STAT1: variants seen among roughly 807,000 people sequenced by gnomAD.
The protein encoded by STAT1 is signal transducer and activator of transcription 1.
A neutral mutation model predicts 111.7 loss-of-function variants in STAT1; 24 were observed. The observed-to-expected ratio is 0.21, with a 90% CI of 0.16 to 0.30. STAT1 has a LOEUF of 0.30. Among genes scored for constraint, STAT1 ranks in the 10% least tolerant of loss-of-function variants. The pLI is 1.00. For missense variants in STAT1, 351 were observed against 911.9 expected (o/e 0.38, Z 7.92); for synonymous variants, 332 against 326.5 (o/e 1.02, Z -0.18).
chr2:190,980,559 A>G lies in STAT1; in HGVS notation c.1632+61T>C, dbSNP rs1692296852. 1 of 1,561,416 alleles carries G rather than the reference A, an allele frequency of 6.4e-7. No individual in the cohort carries two copies. Among genetic ancestry groups the G allele is most frequent in the Admixed American group, 1.7e-5 (1 of 59,960 alleles). Reference sequence around the variant, plus strand: ...TTAAGTAACTATCACAGCAAGAAACATGAGAACCTCAACCAAGAGCAAAAA... The same window carrying G: ...TTAAGTAACTATCACAGCAAGAAACGTGAGAACCTCAACCAAGAGCAAAAA... On this transcript the variant is annotated intron_variant, in intron 19 of 24. Transcript: ENST00000361099. This position sits in a 1 kb window ranked among gnomAD's most constrained non-coding sequence, Gnocchi z 6.1.
At position 190,989,505 on chromosome 2, in the gene STAT1, A is replaced by T. The variant is rs978351013; in HGVS notation, c.1097+110T>A. The T allele has an allele frequency of 5.2e-6, 4 of 770,238 alleles. No homozygotes were observed. The highest frequency in any genetic ancestry group is 8.6e-6 in the Non-Finnish European group (4 of 467,620). The allele number at this position is 770,238 out of a possible 1,614,324, so 47.7% of individuals were successfully genotyped here. Reference sequence around the variant, plus strand: ...GGAGGCAAACTTCCACCCAGTATAGACCCTTCCACAGCTAGAAATCTGCTT... The same window carrying T: ...GGAGGCAAACTTCCACCCAGTATAGTCCCTTCCACAGCTAGAAATCTGCTT... On this transcript the variant is annotated intron_variant, in intron 12 of 24. Transcript: ENST00000361099. The surrounding 1 kb of genome is among the most constrained non-coding windows in gnomAD (Gnocchi z 5.0).
intron 2 of STAT1, among the ~76,000 whole-genome samples, chr2:191,010,644 C>G (rs78181481): frequency 1.3e-5 from 1 of 79,484 alleles, no homozygotes; most frequent in Admixed American, 1.1e-4. Context: ...TTTCAAACTT[C>G]TGTTTTATAT....
At position 190,993,563 on chromosome 2, in the gene STAT1, G is replaced by C; in HGVS notation, c.944+1498C>G. On this transcript the variant is annotated intron_variant, in intron 10 of 24. Transcript: ENST00000361099. The surrounding 1 kb of genome is among the most constrained non-coding windows in gnomAD (Gnocchi z 4.1). Reference sequence around the variant, plus strand: ...AATAATCAATTTGGGATTCATGCTGGACATGTCACTGTAGCTGCCACCGCT... The same window carrying C: ...AATAATCAATTTGGGATTCATGCTGCACATGTCACTGTAGCTGCCACCGCT... 1.6e-6 allele frequency: 1 copy of C among 632,458 alleles called. No homozygotes were observed. The highest frequency in any genetic ancestry group is 2.2e-5 in the Admixed American group (1 of 46,342). 39.2% of individuals were successfully genotyped at this position (632,458 alleles called of 1,614,324 possible).
At chr2:191,008,240 G>GAA (rs11386507) in intron 4 of STAT1, among the ~76,000 whole-genome samples, 2,938 of 151,624 alleles carry the variant, frequency 0.019, 88 homozygotes, top group African/African-American at 0.068. Context: ...ATTCACAAAG[G>GAA]AAAAAAAACA....
intron 5 of STAT1, among the ~76,000 whole-genome samples, chr2:191,005,667 G>C (rs1000614686): frequency 6.6e-6 from 1 of 152,180 alleles, no homozygotes; most frequent in African/African-American, 2.4e-5. Flanking sequence ...ACCTAGTGGT[G>C]CATTTCTCAG....
intron 5 of STAT1, among the ~76,000 whole-genome samples, chr2:191,001,364 G>A (rs1468634021): frequency 6.6e-6 from 1 of 152,154 alleles, no homozygotes; most frequent in Non-Finnish European, 1.5e-5. Flanking sequence ...AAAAAAACTA[G>A]GCTCAATTCA....
intron 2 of STAT1, among the ~76,000 whole-genome samples, chr2:191,013,237 G>A (rs1049991975): frequency 1.3e-5 from 2 of 152,226 alleles, no homozygotes; most frequent in Non-Finnish European, 2.9e-5. Flanking sequence ...AATGGACTGT[G>A]CTGGAGGCTC....
chr2:190,985,616 C>T lies in STAT1; in HGVS notation c.1263+3G>A, dbSNP rs764196521. On this transcript the variant is annotated splice_donor_region_variant and intron_variant, in intron 15 of 24. Coordinates refer to ENST00000361099, the MANE Select transcript of STAT1 (RefSeq NM_007315.4). ...CCCATTCACAACATAAAGGGACTCT[C>T]ACCTCATTCGTTCTGGTGCCAGCAT... 17 of 1,614,222 alleles carry T rather than the reference C, an allele frequency of 1.1e-5. No individual in the cohort carries two copies. In the South Asian group the frequency reaches 1.6e-4, roughly 16 times the overall value.
rs138723664 is a variant in STAT1 at position 190,975,860 on chromosome 2, G to T, written c.2087C>A (p.Pro696His). The change falls in exon 23 of 25, where the codon CCT (proline) becomes CAT (histidine). Residue 696 changes from proline to histidine, a missense_variant. Around this residue, in one of 7 missense-constraint regions of STAT1, gnomAD observed 181 missense variants for 426.1 expected, o/e 0.42. Coordinates refer to ENST00000361099, the MANE Select transcript of STAT1 (RefSeq NM_007315.4). The surrounding 1 kb of genome is among the most constrained non-coding windows in gnomAD (Gnocchi z 5.9). ...EAPEPMELDG[P>H]KGTGYIKTEL... ...AGTCTTGATATATCCAGTTCCTTTA[G>T]GGCCATCAAGTTCCATTGGCTCTGG... is the stretch of plus-strand genomic sequence containing the variant. The T allele has an allele frequency of 5.0e-5, 81 of 1,613,930 alleles. No individual in the cohort carries two copies. Among genetic ancestry groups the T allele is most frequent in the Middle Eastern group, 4.9e-4 (3 of 6,084 alleles).
rs1694728153 is a variant in STAT1, at chr2:191,006,674, C to A, written c.372+889G>T. On this transcript the variant is annotated intron_variant, in intron 5 of 24. Transcript: ENST00000361099. The surrounding 1 kb of genome is among the most constrained non-coding windows in gnomAD (Gnocchi z 4.6). ...TAACATGGTGGCTTCACACTGCCTGCCTGTTGGCTTGTTGTCACCACCCCA... is the reference window on the plus strand; with the variant it reads ...TAACATGGTGGCTTCACACTGCCTGACTGTTGGCTTGTTGTCACCACCCCA... 6.6e-6 allele frequency among the ~76,000 whole-genome samples: 1 copy of A among 152,186 alleles called. No individual in the cohort carries two copies. The highest frequency in any genetic ancestry group is 2.1e-4 in the South Asian group (1 of 4,830).
At position 190,978,768 on chromosome 2, in the gene STAT1, G is replaced by T. The variant is rs1482704321; in HGVS notation, c.1873+88C>A. On this transcript the variant is annotated intron_variant, in intron 21 of 24. Transcript: ENST00000361099. This position sits in a 1 kb window ranked among gnomAD's most constrained non-coding sequence, Gnocchi z 6.1. Reference sequence around the variant, plus strand: ...AGATCTGCAATTTCATGTCCCAAACGCACTATCTGTATGAGCTGACTGGCG... The same window carrying T: ...AGATCTGCAATTTCATGTCCCAAACTCACTATCTGTATGAGCTGACTGGCG... 25 of 1,533,538 alleles carry T rather than the reference G, an allele frequency of 1.6e-5. No homozygotes were observed. The East Asian group carries it at 1.6e-4, about 10-fold the overall frequency. 95.0% of individuals were successfully genotyped at this position (1,533,538 alleles called of 1,614,324 possible).
In STAT1 at chr2:191,006,878, C is replaced by T. The variant is rs982047103; in HGVS notation, c.372+685G>A. On this transcript the variant is annotated intron_variant, in intron 5 of 24. Coordinates refer to ENST00000361099, the MANE Select transcript of STAT1 (RefSeq NM_007315.4). The surrounding 1 kb of genome is among the most constrained non-coding windows in gnomAD (Gnocchi z 4.6). ...ATTTAATAGGTATCTTGATGTTGCT[C>T]AAAACAAAGCCCTTGATTTTCCCAT... Among the ~76,000 whole-genome samples, 5 of 152,292 alleles carry T rather than the reference C, an allele frequency of 3.3e-5. No individual in the cohort carries two copies. Among genetic ancestry groups the T allele is most frequent in the African/African-American group, 1.2e-4 (5 of 41,546 alleles).
chr2:191,002,790 T>G lies in STAT1; in HGVS notation c.373-1627A>C, dbSNP rs116060620. Among the ~76,000 whole-genome samples, 619 of 152,250 alleles carry G rather than the reference T, an allele frequency of 4.1e-3. 7 individuals are homozygous for G. The highest frequency in any genetic ancestry group is 0.014 in the African/African-American group (591 of 41,540). ...TGTCTCTAGAATGGAGATATATATA[T>G]TTTTTTGTGTTAAAGAGGTACCCAT... On this transcript the variant is annotated intron_variant, in intron 5 of 24. Transcript: ENST00000361099.
At chr2:191,009,821 C>G (rs1244552401) in intron 3 of STAT1, 55 bp downstream of exon 3, 1 of 1,608,596 alleles carries the variant, frequency 6.2e-7, no homozygotes, top group African/African-American at 1.3e-5. Context: ...GTCACTTAAT[C>G]AACCAGTACT....
At chr2:190,991,112 G>GC in intron 11 of STAT1, 116 bp downstream of exon 11, 1 of 804,016 alleles carries the variant, frequency 1.2e-6, no homozygotes, top group Non-Finnish European at 2.1e-6. Flanking sequence ...ATATTAAAGT[G>GC]CCCCCTGAAA....
chr2:191,005,899 G>A (rs1258641278), intron 5 of STAT1, among the ~76,000 whole-genome samples: 5 of 152,160 alleles, frequency 3.3e-5, no homozygotes, highest in African/African-American at 9.7e-5. Context: ...AGGTGTTCAC[G>A]GACTCAGGTG....
At position 190,971,913 on chromosome 2, in the gene STAT1, G is replaced by A. The variant is rs141849041; in HGVS notation, c.2239-1196C>T. Reference sequence around the variant, plus strand: ...TTTTTAGTAGAGATGGGGTTTCACCGTGTTGGCCAGGCTGGTCTCAAACTC... The same window carrying A: ...TTTTTAGTAGAGATGGGGTTTCACCATGTTGGCCAGGCTGGTCTCAAACTC... On this transcript the variant is annotated intron_variant, in intron 24 of 24. Coordinates refer to ENST00000361099, the MANE Select transcript of STAT1 (RefSeq NM_007315.4). This position sits in a 1 kb window ranked among gnomAD's most constrained non-coding sequence, Gnocchi z 4.1. 1.7e-3 allele frequency among the ~76,000 whole-genome samples: 253 copies of A among 152,054 alleles called. 1 individual carries two copies. The highest frequency in any genetic ancestry group is 5.9e-3 in the African/African-American group (245 of 41,472).
At chr2:191,002,465 C>T (rs1484111446) in intron 5 of STAT1, among the ~76,000 whole-genome samples, 1 of 152,176 alleles carries the variant, frequency 6.6e-6, no homozygotes, top group East Asian at 1.9e-4. Context: ...CATTGCTCTA[C>T]TTGTTCAGAA....
In STAT1 at chr2:190,976,340, G is replaced by A. The variant is rs944440032; in HGVS notation, c.2060-453C>T. On this transcript the variant is annotated intron_variant, in intron 22 of 24. Transcript: ENST00000361099. The surrounding 1 kb of genome is among the most constrained non-coding windows in gnomAD (Gnocchi z 6.0). ...TGTTGGTGTGTTCCAAACAAAACAGGTCTAATTCGAACCTTCTCAAATGCA... is the reference window on the plus strand; with the variant it reads ...TGTTGGTGTGTTCCAAACAAAACAGATCTAATTCGAACCTTCTCAAATGCA... 2.0e-5 allele frequency among the ~76,000 whole-genome samples: 3 copies of A among 152,186 alleles called. No homozygotes were observed. The highest frequency in any genetic ancestry group is 7.2e-5 in the African/African-American group (3 of 41,452).
Sources: allele counts gnomAD v4.1 joint callset (sites outside exome capture counted in the v4.1 genomes callset), GRCh38; gene constraint gnomAD v4.1.1; regional missense constraint gnomAD v4.1.1; non-coding constraint Gnocchi (gnomAD v3.1); transcripts MANE v1.5; gene names NCBI Gene and HGNC (gene_info 2026-07-23, HGNC 2026-07-21).